Variants in MCCC1 observed in about 807,000 individuals in gnomAD.
MCCC1 encodes methylcrotonyl-CoA carboxylase subunit 1.
A neutral mutation model predicts 83.8 loss-of-function variants in MCCC1; 64 were observed. The observed-to-expected ratio is 0.76, with a 90% CI of 0.62 to 0.94. MCCC1 has a LOEUF of 0.94. Among genes scored for constraint, MCCC1 ranks in the 40% least tolerant of loss-of-function variants. The probability of loss-of-function intolerance (pLI) is 0.00; values close to 1 mark genes in which losing one functional copy is unlikely to be tolerated. For synonymous variants in MCCC1, 322 were observed against 315.4 expected (o/e 1.02, Z -0.22); for missense variants, 807 against 904.7 (o/e 0.89, Z 1.39).
At chr3:183,075,674 G>T (rs1353220794) in intron 4 of MCCC1, among the ~76,000 whole-genome samples, 2 of 151,828 alleles carry the variant, frequency 1.3e-5, no homozygotes, top group Non-Finnish European at 2.9e-5. Flanking sequence ...CCAAGTAGCT[G>T]GGACTACAGG....
rs1209529527 is a variant in MCCC1, at chr3:183,022,564, A to T, written c.1732-10T>A. 1.2e-6 allele frequency: 2 copies of T among 1,602,102 alleles called. No homozygotes were observed. The highest frequency in any genetic ancestry group is 1.1e-5 in the South Asian group (1 of 90,346). On this transcript the variant is annotated splice_polypyrimidine_tract_variant and intron_variant, in intron 15 of 18. Coordinates refer to ENST00000265594, the MANE Select transcript of MCCC1 (RefSeq NM_020166.5). ...AAGTTTTATCTTCAATCTGAAAAAAATGAAAAATAAGATTTTTAAAATAAA... is the reference window on the plus strand; with the variant it reads ...AAGTTTTATCTTCAATCTGAAAAAATTGAAAAATAAGATTTTTAAAATAAA...
intron 15 of MCCC1, among the ~76,000 whole-genome samples, chr3:183,025,184 C>A (rs567770720): frequency 6.6e-6 from 1 of 152,082 alleles, no homozygotes; most frequent in South Asian, 2.1e-4. Flanking sequence ...TCAGTGAGTA[C>A]GGAATTTTAG....
chr3:183,103,709 C>T (rs890972609), upstream of MCCC1, among the ~76,000 whole-genome samples: 12 of 152,230 alleles, frequency 7.9e-5, no homozygotes, highest in African/African-American at 2.9e-4. Flanking sequence ...ACTGGGGCTG[C>T]AGGTGGAGCT....
At chr3:183,062,271 G>T (rs1187537426) in intron 7 of MCCC1, among the ~76,000 whole-genome samples, 1 of 152,014 alleles carries the variant, frequency 6.6e-6, no homozygotes, top group Non-Finnish European at 1.5e-5. Context: ...ACTACAGCAG[G>T]GATTCCAGGT....
At chr3:183,096,207 G>A (rs1041283452) in intron 1 of MCCC1, among the ~76,000 whole-genome samples, 6 of 151,888 alleles carry the variant, frequency 4.0e-5, no homozygotes, top group Admixed American at 1.3e-4. Flanking sequence ...GTGGTGGTGC[G>A]CACCTGTAAT....
At chr3:183,043,094 A>G (rs1714244002) in intron 10 of MCCC1, among the ~76,000 whole-genome samples, 2 of 152,216 alleles carry the variant, frequency 1.3e-5, no homozygotes, top group South Asian at 4.1e-4. Context: ...ATTCAAGACC[A>G]GCCTGGCCAA....
intron 8 of MCCC1, among the ~76,000 whole-genome samples, chr3:183,053,315 C>G (rs1002759385): frequency 6.6e-6 from 1 of 151,670 alleles, no homozygotes; most frequent in Admixed American, 6.6e-5. Context: ...ATGGCGAGAC[C>G]CTGTCTCTAC....
intron 4 of MCCC1, among the ~76,000 whole-genome samples, chr3:183,077,148 C>T (rs1641174605): frequency 6.6e-6 from 1 of 152,160 alleles, no homozygotes; most frequent in Admixed American, 6.6e-5. Context: ...AGTTGATAGA[C>T]ATTTGCATTG....
upstream of MCCC1, among the ~76,000 whole-genome samples, chr3:183,101,464 A>G (rs1189395213): frequency 7.2e-5 from 11 of 152,208 alleles, no homozygotes; most frequent in Middle Eastern, 6.8e-3. Context: ...GAATGCACCA[A>G]TCGACACTCT....
chr3:183,093,603 A>G (rs543875738), intron 2 of MCCC1, among the ~76,000 whole-genome samples: 1 of 152,336 alleles, frequency 6.6e-6, no homozygotes, highest in African/African-American at 2.4e-5. Context: ...ACAGTTCATA[A>G]TAAAGTTATT....
In MCCC1 at chr3:183,055,043, T is replaced by A. The variant is rs936124877; in HGVS notation, c.873+2268A>T. Among the ~76,000 whole-genome samples, 107 of 152,214 alleles carry A rather than the reference T, an allele frequency of 7.0e-4. 1 individual carries two copies. The highest frequency in any genetic ancestry group is 1.8e-4 in the Non-Finnish European group (12 of 68,040). Reference sequence around the variant, plus strand: ...TCAACTAAGGACGCATTTCTCAGAATGTATTCCTATTGTTAAGCAATGCAT... The same window carrying A: ...TCAACTAAGGACGCATTTCTCAGAAAGTATTCCTATTGTTAAGCAATGCAT... On this transcript the variant is annotated intron_variant, in intron 8 of 18. Coordinates refer to ENST00000265594, the MANE Select transcript of MCCC1 (RefSeq NM_020166.5).
chr3:183,096,914 A>C (rs1718777283), intron 1 of MCCC1, among the ~76,000 whole-genome samples: 1 of 152,196 alleles, frequency 6.6e-6, no homozygotes, highest in African/African-American at 2.4e-5. Flanking sequence ...TGTATCTATT[A>C]AATGGTTGCT....
At chr3:183,035,329 AAGATGC>A (rs1416357847) in intron 13 of MCCC1, among the ~76,000 whole-genome samples, 9 of 152,192 alleles carry the variant, frequency 5.9e-5, no homozygotes, top group African/African-American at 2.2e-4. Flanking sequence ...AAATCTTCTA[AAGATGC>A]AGTTTTCGGG....
chr3:183,036,963 G>A (rs532467362), intron 13 of MCCC1, among the ~76,000 whole-genome samples: 27 of 152,204 alleles, frequency 1.8e-4, no homozygotes, highest in East Asian at 7.7e-4. Flanking sequence ...GTGAGCCACC[G>A]CGCCTGGCCA....
intron 15 of MCCC1, 22 bp from the exon 16 acceptor site, chr3:183,022,576 A>T: frequency 6.3e-7 from 1 of 1,576,064 alleles, no homozygotes; most frequent in Non-Finnish European, 8.7e-7. Flanking sequence ...GAAAAATAAG[A>T]TTTTTAAAAT....
intron 5 of MCCC1, 104 bp downstream of exon 5, chr3:183,072,262 T>A: frequency 7.4e-7 from 1 of 1,349,216 alleles, no homozygotes; most frequent in Non-Finnish European, 1.0e-6. Context: ...TCCTCCTGCC[T>A]CAGTCTCCCA....
chr3:183,057,575 T>C (rs569989935), intron 7 of MCCC1, among the ~76,000 whole-genome samples, 153 bp from the exon 8 acceptor site: 64 of 152,338 alleles, frequency 4.2e-4, no homozygotes, highest in African/African-American at 1.4e-3. Context: ...TTAGAGGTTA[T>C]GGACTTAGAA....
intron 1 of MCCC1, among the ~76,000 whole-genome samples, chr3:183,107,130 C>A (rs528795291): frequency 1.3e-5 from 2 of 152,096 alleles, no homozygotes; most frequent in African/African-American, 4.8e-5. Flanking sequence ...AGTGGCCAGG[C>A]GCAGTGGCTC....
chr3:183,105,907 G>A (rs1454171642), intron 1 of MCCC1, among the ~76,000 whole-genome samples: 1 of 151,852 alleles, frequency 6.6e-6, no homozygotes, highest in Non-Finnish European at 1.5e-5. Context: ...GGCCAACATG[G>A]TGAAACCCTG....
Sources: gnomAD v4.1 joint callset for allele counts (sites outside exome capture counted in the v4.1 genomes callset) on GRCh38, gnomAD v4.1.1 for gene constraint, MANE v1.5 for transcripts, NCBI Gene and HGNC (gene_info 2026-07-23, HGNC 2026-07-21) for gene names.